DOK6: variants seen among roughly 807,000 people sequenced by gnomAD.
The protein encoded by DOK6 is downstream of tyrosine kinase 6.
In DOK6, 22 loss-of-function variants were observed where a neutral mutation model predicts 44.0. The ratio of observed to expected loss-of-function variants is 0.50; its 90% confidence interval spans 0.36 to 0.71. The LOEUF (loss-of-function observed/expected upper bound fraction) is 0.71, where lower values mean the gene tolerates loss of function less well. DOK6 is among the 30% of genes least tolerant of loss of function. DOK6 has a pLI of 0.00. For missense variants in DOK6, 340 were observed against 416.4 expected, an observed-to-expected ratio of 0.82 and a Z score of 1.60; for synonymous variants, 166 against 145.5, an observed-to-expected ratio of 1.14 and a Z score of -1.01.
At chr18:69,541,458 A>G (rs1203558812) in intron 1 of DOK6, among the ~76,000 whole-genome samples, 1 of 151,458 alleles carries the variant, frequency 6.6e-6, no homozygotes, top group Non-Finnish European at 1.5e-5. Flanking sequence ...AAACCCAACC[A>G]TTTCCAATCA....
chr18:69,582,338 C>T (rs1035412868), intron 2 of DOK6, among the ~76,000 whole-genome samples: 1 of 152,094 alleles, frequency 6.6e-6, no homozygotes, highest in South Asian at 2.1e-4. Flanking sequence ...ATAAAGAAAC[C>T]TGAATATTAT....
chr18:69,617,707 A>AAGAG (rs1984335356), intron 3 of DOK6, among the ~76,000 whole-genome samples: 2 of 38,798 alleles, frequency 5.2e-5, no homozygotes, highest in Non-Finnish European at 1.6e-4. Flanking sequence ...ACGGAAAGAG[A>AAGAG]AAAGAAAGAA....
intron 1 of DOK6, among the ~76,000 whole-genome samples, chr18:69,554,368 G>C (rs1051280493): frequency 2.0e-5 from 3 of 152,148 alleles, no homozygotes; most frequent in African/African-American, 2.4e-5. Context: ...ACCTAAGCAT[G>C]CATCTTTGAA....
intron 7 of DOK6, among the ~76,000 whole-genome samples, chr18:69,815,701 G>A (rs547722288): frequency 5.3e-5 from 8 of 152,210 alleles, no homozygotes; most frequent in South Asian, 4.1e-4. Context: ...GTAGAGGTGT[G>A]ATCTACTGTA....
At chr18:69,414,252 A>G (rs914568894) in intron 1 of DOK6, among the ~76,000 whole-genome samples, 3 of 152,116 alleles carry the variant, frequency 2.0e-5, no homozygotes, top group South Asian at 2.1e-4. Context: ...ATGTCAGAGG[A>G]ATGAAACTTC....
intron 5 of DOK6, 42 bp downstream of exon 5, chr18:69,698,635 T>A: frequency 6.3e-7 from 1 of 1,587,336 alleles, no homozygotes; most frequent in Non-Finnish European, 8.6e-7. Flanking sequence ...GTTGTCTGTA[T>A]AACAGAGTCT....
intron 3 of DOK6, among the ~76,000 whole-genome samples, chr18:69,642,724 G>C: frequency 6.6e-6 from 1 of 152,034 alleles, no homozygotes; most frequent in South Asian, 2.1e-4. Context: ...ATGTCTACAT[G>C]TATCTGTTTC....
chr18:69,654,552 GAA>G (rs929946363), intron 3 of DOK6, among the ~76,000 whole-genome samples: 3 of 152,288 alleles, frequency 2.0e-5, no homozygotes, highest in Admixed American at 2.0e-4. Flanking sequence ...AAAGTAATGA[GAA>G]AGGCTGACAC....
At chr18:69,679,711 A>G (rs1256735518) in intron 4 of DOK6, among the ~76,000 whole-genome samples, 2 of 152,236 alleles carry the variant, frequency 1.3e-5, no homozygotes, top group African/African-American at 4.8e-5. Context: ...CTCTTGTAGC[A>G]TGGACTGTAT....
At chr18:69,632,406 C>T (rs1457452358) in intron 3 of DOK6, among the ~76,000 whole-genome samples, 3 of 152,096 alleles carry the variant, frequency 2.0e-5, no homozygotes, top group African/African-American at 7.2e-5. Flanking sequence ...TTCCAAAAGG[C>T]TTGAGGTCCA....
chr18:69,762,856 G>C (rs1037137938), intron 7 of DOK6, among the ~76,000 whole-genome samples: 1 of 152,190 alleles, frequency 6.6e-6, no homozygotes, highest in African/African-American at 2.4e-5. Flanking sequence ...TGACATAGCA[G>C]GACAGAGATC....
rs117496173 is a variant in DOK6, at chr18:69,697,731, A to T, written c.410-673A>T. On this transcript the variant is annotated intron_variant, in intron 4 of 7. Coordinates refer to ENST00000382713, the MANE Select transcript of DOK6 (RefSeq NM_152721.6). ...AGACAGTTACAAAGTAAGGTTTGGA[A>T]TCATTGCCTAATAATATTTTCAGCC... 4.2e-4 allele frequency among the ~76,000 whole-genome samples: 64 copies of T among 152,342 alleles called. 1 individual carries two copies. The East Asian group carries it at 0.012, about 28-fold the overall frequency.
intron 7 of DOK6, among the ~76,000 whole-genome samples, chr18:69,818,415 G>C (rs973121186): frequency 5.3e-5 from 8 of 152,142 alleles, no homozygotes; most frequent in Non-Finnish European, 1.5e-5. Flanking sequence ...AAGAACTGGA[G>C]TATGTGATTG....
chr18:69,824,555 C>T (rs118107596), intron 7 of DOK6, among the ~76,000 whole-genome samples: 132 of 152,232 alleles, frequency 8.7e-4, no homozygotes, highest in Non-Finnish European at 1.6e-3. Context: ...GAGATGAGGT[C>T]TCACCATGTT....
At chr18:69,671,250 A>G (rs1224619919) in intron 3 of DOK6, among the ~76,000 whole-genome samples, 2 of 152,226 alleles carry the variant, frequency 1.3e-5, no homozygotes, top group Non-Finnish European at 2.9e-5. Context: ...GCCATGTTTG[A>G]AAGCCTAATC....
intron 3 of DOK6, among the ~76,000 whole-genome samples, chr18:69,608,977 TTTTA>T (rs1277864716): frequency 2.6e-5 from 4 of 151,506 alleles, no homozygotes; most frequent in Non-Finnish European, 4.4e-5. Flanking sequence ...TTCACTTAAC[TTTTA>T]TTTATTTAAG....
intron 2 of DOK6, among the ~76,000 whole-genome samples, chr18:69,583,044 C>G (rs1983406386): frequency 1.3e-5 from 2 of 152,054 alleles, no homozygotes; most frequent in Non-Finnish European, 2.9e-5. Flanking sequence ...TCCTTGTGAC[C>G]CAGTGTGAGA....
intron 5 of DOK6, among the ~76,000 whole-genome samples, chr18:69,716,916 T>G (rs1300732473): frequency 1.3e-5 from 2 of 152,206 alleles, no homozygotes; most frequent in Non-Finnish European, 2.9e-5. Flanking sequence ...CCTATAGTCT[T>G]GCTTTGTACT....
intron 3 of DOK6, among the ~76,000 whole-genome samples, chr18:69,627,163 A>G (rs1209518667): frequency 6.6e-6 from 1 of 152,194 alleles, no homozygotes. Context: ...CATTCACAAC[A>G]TTTTAGAAAA....
Sources: gnomAD v4.1 joint callset for allele counts (sites outside exome capture counted in the v4.1 genomes callset) on GRCh38, gnomAD v4.1.1 for gene constraint, MANE v1.5 for transcripts, NCBI Gene and HGNC (gene_info 2026-07-23, HGNC 2026-07-21) for gene names.